ZRANB3: variants seen among roughly 807,000 people sequenced by gnomAD.
ZRANB3 encodes zinc finger RANBP2-type containing 3.
A neutral mutation model predicts 133.8 loss-of-function variants in ZRANB3; 125 were observed. The ratio of observed to expected loss-of-function variants is 0.93; its 90% CI spans 0.81 to 1.08. The LOEUF (loss-of-function observed/expected upper bound fraction) is 1.08, where lower values mean the gene tolerates loss of function less well. Ranked by LOEUF, ZRANB3 falls within the 50% of genes least tolerant of loss-of-function variation. ZRANB3 has a pLI of 0.00. For synonymous variants in ZRANB3, 387 were observed against 432.7 expected (o/e 0.89, Z 1.31); for missense variants, 1,229 against 1,275.5 (o/e 0.96, Z 0.56).
At chr2:135,360,444 T>G (rs141974748) in intron 3 of ZRANB3, among the ~76,000 whole-genome samples, 2 of 151,554 alleles carry the variant, frequency 1.3e-5, no homozygotes, top group South Asian at 2.1e-4. Context: ...CGGTGGCTCA[T>G]GCCTGTATCC....
chr2:135,302,145 T>TGTAG (rs1482814091), intron 8 of ZRANB3, among the ~76,000 whole-genome samples: 1 of 152,240 alleles, frequency 6.6e-6, no homozygotes, highest in African/African-American at 2.4e-5. Flanking sequence ...TAATCTATAA[T>TGTAG]GTAGGTAAAC....
At chr2:135,356,774 C>A (rs1365835433) in intron 3 of ZRANB3, among the ~76,000 whole-genome samples, 1 of 152,098 alleles carries the variant, frequency 6.6e-6, no homozygotes, top group South Asian at 2.1e-4. Flanking sequence ...GTGGCGTAAT[C>A]GTGGCTCACT....
chr2:135,460,502 G>C (rs1690716222), intron 2 of ZRANB3, among the ~76,000 whole-genome samples: 1 of 152,184 alleles, frequency 6.6e-6, no homozygotes, highest in Non-Finnish European at 1.5e-5. Flanking sequence ...CTTGACCTCA[G>C]GTGATCTGCC....
intron 2 of ZRANB3, among the ~76,000 whole-genome samples, chr2:135,450,499 C>T (rs1006561246): frequency 4.6e-5 from 7 of 151,966 alleles, no homozygotes; most frequent in Admixed American, 6.6e-5. Flanking sequence ...GTAGAAGACC[C>T]GGCATTTAAA....
chr2:135,292,388 T>C (rs1464004447), intron 8 of ZRANB3, among the ~76,000 whole-genome samples: 1 of 152,230 alleles, frequency 6.6e-6, no homozygotes, highest in African/African-American at 2.4e-5. Flanking sequence ...GCTGCATAAA[T>C]GTCTTCTTTT....
chr2:135,350,077 A>G lies in ZRANB3; in HGVS notation c.498T>C (p.Asn166=), dbSNP rs760754155. 22 of 1,613,660 alleles carry G rather than the reference A, an allele frequency of 1.4e-5. No individual in the cohort carries two copies. Among genetic ancestry groups the G allele is most frequent in the African/African-American group, 2.7e-5 (2 of 74,884 alleles). ...VDESHYMKSR[N]ATRSRILLPI... is the part of the protein sequence containing the mutation. Reference sequence around the variant, plus strand: ...GCAATAAAATCCTGCTGCGAGTTGCATTTCTGGATTTCATGTAGTGTGATT... The same window carrying G: ...GCAATAAAATCCTGCTGCGAGTTGCGTTTCTGGATTTCATGTAGTGTGATT... The change falls in exon 5 of 21, where the codon AAT becomes AAC. Residue 166 remains asparagine, a synonymous_variant. Coordinates refer to ENST00000264159, the MANE Select transcript of ZRANB3 (RefSeq NM_032143.4).
intron 6 of ZRANB3, among the ~76,000 whole-genome samples, chr2:135,320,278 A>G (rs1197634118): frequency 1.3e-5 from 2 of 152,248 alleles, no homozygotes; most frequent in African/African-American, 4.8e-5. Flanking sequence ...ACAAATTTGT[A>G]AATGCATTAT....
At chr2:135,390,776 G>T (rs757437299) in intron 3 of ZRANB3, 26 bp downstream of exon 3, 22 of 1,446,686 alleles carry the variant, frequency 1.5e-5, no homozygotes, top group South Asian at 1.5e-4. Context: ...TCTTATAAAA[G>T]ACATAAAAAC....
intron 20 of ZRANB3, among the ~76,000 whole-genome samples, chr2:135,200,668 T>C (rs1259093787): frequency 6.6e-6 from 1 of 151,892 alleles, no homozygotes; most frequent in Non-Finnish European, 1.5e-5. Context: ...AACATACAAC[T>C]TGGGGGATGT....
intron 1 of ZRANB3, among the ~76,000 whole-genome samples, chr2:135,520,790 G>T (rs1387976630): frequency 6.6e-6 from 1 of 151,800 alleles, no homozygotes; most frequent in African/African-American, 2.4e-5. Flanking sequence ...ACACCATCTT[G>T]GTCAGGCTAA....
intron 2 of ZRANB3, among the ~76,000 whole-genome samples, chr2:135,458,577 C>T (rs915896096): frequency 1.3e-5 from 2 of 152,084 alleles, no homozygotes; most frequent in African/African-American, 4.8e-5. Flanking sequence ...ATTGGTACTT[C>T]AGGGACACTG....
chr2:135,457,754 C>G (rs1690591711), intron 2 of ZRANB3, among the ~76,000 whole-genome samples: 1 of 151,732 alleles, frequency 6.6e-6, no homozygotes, highest in Non-Finnish European at 1.5e-5. Context: ...ATCCTTTGCC[C>G]ATTTTTTAAT....
intron 12 of ZRANB3, among the ~76,000 whole-genome samples, chr2:135,252,114 T>G (rs1252498838): frequency 6.6e-6 from 1 of 152,100 alleles, no homozygotes; most frequent in Non-Finnish European, 1.5e-5. Flanking sequence ...GCAGCATAAA[T>G]GGACTAATAC....
At chr2:135,246,043 T>C (rs553269723) in intron 12 of ZRANB3, among the ~76,000 whole-genome samples, 25 of 143,242 alleles carry the variant, frequency 1.7e-4, no homozygotes, top group South Asian at 9.2e-4. Flanking sequence ...TTCTTTCTTT[T>C]TTTTTTTTTT....
Position 135,390,809 on chromosome 2 carries a change from G to T in ZRANB3, c.173C>A (p.Ala58Asp). ...ALKRNGRCMV[A>D]DEMGLGKTIQ... ...AACCATTGAAACACTTACTTCATCA[G>T]CCACCATACACCTGGAAAAAAAAAA... The change falls in exon 3 of 21, where the codon GCT (alanine) becomes GAT (aspartate). Residue 58 changes from alanine (A) to aspartate (D), a missense_variant. Physicochemically the swap from Ala to Asp is moderately radical, Grantham distance 126. Coordinates refer to ENST00000264159, the MANE Select transcript of ZRANB3 (RefSeq NM_032143.4). The T allele has an allele frequency of 6.7e-7, 1 of 1,497,770 alleles. No homozygotes were observed. The highest frequency in any genetic ancestry group is 2.2e-5 in the Admixed American group (1 of 44,462). 92.8% of individuals were successfully genotyped at this position (1,497,770 alleles called of 1,614,324 possible).
At position 135,353,497 on chromosome 2, in the gene ZRANB3, C is replaced by T. The variant is rs752062772; in HGVS notation, c.312G>A (p.Glu104=). The change falls in exon 4 of 21, where the codon GAG becomes GAA. Residue 104 remains glutamate (E), a synonymous_variant. Coordinates refer to ENST00000264159, the MANE Select transcript of ZRANB3 (RefSeq NM_032143.4). ...WTEEIEKWIP[E]LSPEEINVIQ... ...TAACATTGATTTCTTCTGGACTTAG[C>T]TCTGGGATCCATTTTTCAATTTCTT... is the stretch of plus-strand genomic sequence containing the variant. The T allele has an allele frequency of 1.9e-6, 3 of 1,609,304 alleles. No homozygotes were observed. Among genetic ancestry groups the T allele is most frequent in the Non-Finnish European group, 2.5e-6 (3 of 1,177,482 alleles).
At chr2:135,495,623 G>A (rs1194648381) in intron 2 of ZRANB3, among the ~76,000 whole-genome samples, 2 of 152,102 alleles carry the variant, frequency 1.3e-5, no homozygotes, top group African/African-American at 2.4e-5. Flanking sequence ...CTCTATTTTT[G>A]TGACTTTTCT....
intron 6 of ZRANB3, among the ~76,000 whole-genome samples, chr2:135,318,039 T>A (rs1335054932): frequency 2.0e-5 from 3 of 152,090 alleles, no homozygotes; most frequent in Admixed American, 2.0e-4. Context: ...ATTTGCTGAA[T>A]TTGAAGAATT....
At chr2:135,497,917 G>C (rs1692751207) in intron 2 of ZRANB3, among the ~76,000 whole-genome samples, 1 of 151,884 alleles carries the variant, frequency 6.6e-6, no homozygotes, top group Non-Finnish European at 1.5e-5. Flanking sequence ...GCTGGGCATG[G>C]TGGTGTGCAC....
Sources: allele counts gnomAD v4.1 joint callset (sites outside exome capture counted in the v4.1 genomes callset), GRCh38; gene constraint gnomAD v4.1.1; transcripts MANE v1.5; gene names NCBI Gene and HGNC (gene_info 2026-07-23, HGNC 2026-07-21).